Variants in LRP2 observed in about 807,000 individuals in gnomAD.
The protein encoded by LRP2 is LDL receptor related protein 2, also known as low-density lipoprotein receptor-related protein 2.
A neutral mutation model predicts 531.0 loss-of-function variants in LRP2; 172 were observed. That is an observed-to-expected ratio of 0.32 (90% CI 0.29 to 0.37). The LOEUF is 0.37. LRP2 is among the 10% of genes least tolerant of loss of function. The pLI is 1.00. For missense variants in LRP2, 5,167 were observed against 5,868.3 expected (o/e 0.88, Z 3.90); for synonymous variants, 1,992 against 2,027.6 (o/e 0.98, Z 0.47).
intron 24 of LRP2, among the ~76,000 whole-genome samples, chr2:169,241,895 T>C (rs1449636895): frequency 6.6e-6 from 1 of 152,190 alleles, no homozygotes; most frequent in African/African-American, 2.4e-5. Context: ...CCACTATTCA[T>C]CAAGCAATCC....
intron 16 of LRP2, among the ~76,000 whole-genome samples, chr2:169,268,285 C>G (rs1023045737): frequency 6.6e-6 from 1 of 152,118 alleles, no homozygotes; most frequent in Non-Finnish European, 1.5e-5. Flanking sequence ...GATACCAAAG[C>G]CTGGCAGAGA....
intron 61 of LRP2, among the ~76,000 whole-genome samples, chr2:169,168,265 T>C (rs1686862139): frequency 6.6e-6 from 1 of 151,640 alleles, no homozygotes; most frequent in Admixed American, 6.6e-5. Flanking sequence ...GACCTGCCTT[T>C]ATTTATGCAT....
At position 169,282,877 on chromosome 2, in the gene LRP2, A is replaced by G; in HGVS notation, c.1167T>C (p.Asp389=). The G allele has an allele frequency of 6.2e-7, 1 of 1,613,924 alleles. No homozygotes were observed. Among genetic ancestry groups the G allele is most frequent in the South Asian group, 1.1e-5 (1 of 91,076 alleles). The change falls in exon 10 of 79, where the codon GAT becomes GAC. Residue 389 remains aspartate, a synonymous_variant. Coordinates refer to ENST00000649046, the MANE Select transcript of LRP2 (RefSeq NM_004525.3). ...LERGQYCKAN[D]SFGEASIIFS... is the part of the protein sequence containing the mutation. ...AGGTGTCCATAATTTACTCACAGGAATCATTAGCTTTGCAATACTGTCCAC... is the reference window on the plus strand; with the variant it reads ...AGGTGTCCATAATTTACTCACAGGAGTCATTAGCTTTGCAATACTGTCCAC...
intron 1 of LRP2, among the ~76,000 whole-genome samples, chr2:169,327,047 C>T (rs1259437092): frequency 6.6e-6 from 1 of 150,782 alleles, no homozygotes; most frequent in African/African-American, 2.4e-5. Flanking sequence ...AAGTGAGGAG[C>T]GTCTCCGCCC....
intron 19 of LRP2, among the ~76,000 whole-genome samples, chr2:169,255,358 T>C (rs1690261107): frequency 6.6e-6 from 1 of 152,176 alleles, no homozygotes; most frequent in South Asian, 2.1e-4. Flanking sequence ...GGTACCAGGC[T>C]ACATTCTTAT....
At chr2:169,305,812 A>G (rs1365367383) in intron 4 of LRP2, among the ~76,000 whole-genome samples, 2 of 152,158 alleles carry the variant, frequency 1.3e-5, no homozygotes, top group African/African-American at 2.4e-5. Flanking sequence ...TTTTTGCTGT[A>G]CCTTTTCTAT....
At chr2:169,311,810 T>G (rs1684605989) in intron 3 of LRP2, among the ~76,000 whole-genome samples, 2 of 152,178 alleles carry the variant, frequency 1.3e-5, no homozygotes, top group Admixed American at 6.5e-5. Flanking sequence ...TGTTAAAGTC[T>G]CCCATTATTA....
intron 1 of LRP2, among the ~76,000 whole-genome samples, chr2:169,347,767 C>T (rs1330621386): frequency 9.2e-5 from 14 of 152,264 alleles, no homozygotes; most frequent in Admixed American, 8.5e-4. Flanking sequence ...TCTGTCTATA[C>T]TCTGCAGTAC....
chr2:169,318,959 A>T (rs1684840400), intron 2 of LRP2, 75 bp from the exon 3 acceptor site: 1 of 1,571,570 alleles, frequency 6.4e-7, no homozygotes, highest in Non-Finnish European at 8.7e-7. Context: ...CTTGTTCCAG[A>T]AGAGTGTATC....
intron 31 of LRP2, among the ~76,000 whole-genome samples, chr2:169,230,163 C>T (rs1044747958): frequency 1.3e-5 from 2 of 152,154 alleles, no homozygotes; most frequent in African/African-American, 4.8e-5. Flanking sequence ...TTGATTACAC[C>T]AACCCCCAAT....
chr2:169,196,783 G>T, intron 46 of LRP2, 128 bp downstream of exon 46: 2 of 1,312,114 alleles, frequency 1.5e-6, no homozygotes, highest in South Asian at 1.2e-5. Context: ...CAGCATTCCA[G>T]ATGAAAGCTG....
chr2:169,280,525 T>C lies in LRP2; in HGVS notation c.1172-6A>G. 7 of 1,613,894 alleles carry C rather than the reference T, an allele frequency of 4.3e-6. No homozygotes were observed. Among genetic ancestry groups the C allele is most frequent in the East Asian group, 2.2e-5 (1 of 44,852 alleles). ...GATAATGGAGGCCTCGCCAACTAAA[T>C]GCGAAGAAGGAAGGCATCACCACTC... On this transcript the variant is annotated splice_polypyrimidine_tract_variant and splice_region_variant and intron_variant, in intron 10 of 78. Transcript: ENST00000649046.
intron 41 of LRP2, among the ~76,000 whole-genome samples, chr2:169,204,724 G>C (rs888904044): frequency 1.3e-5 from 2 of 152,096 alleles, no homozygotes; most frequent in African/African-American, 2.4e-5. Context: ...TTTCAAATAG[G>C]AGAATAAAGA....
chr2:169,281,709 C>T (rs1331611719), intron 10 of LRP2, among the ~76,000 whole-genome samples: 1 of 151,764 alleles, frequency 6.6e-6, no homozygotes, highest in South Asian at 2.1e-4. Context: ...CAGAGCGAGA[C>T]TCATTCTCAA....
chr2:169,359,282 G>C (rs1211584616), intron 1 of LRP2, among the ~76,000 whole-genome samples: 1 of 152,162 alleles, frequency 6.6e-6, no homozygotes, highest in South Asian at 2.1e-4. Flanking sequence ...CAGCTAGAAA[G>C]TGGTAAAGCC....
At chr2:169,197,486 T>A (rs1244753558) in intron 45 of LRP2, among the ~76,000 whole-genome samples, 2 of 152,232 alleles carry the variant, frequency 1.3e-5, no homozygotes, top group African/African-American at 4.8e-5. Context: ...GTTGGCAAAG[T>A]TATCTTCGTA....
Position 169,181,600 on chromosome 2 carries a change from G to A in LRP2, c.10017C>T (p.Asp3339=), listed in dbSNP as rs1361756562. ...TCCCAATGTATGCGCGGTGACCCCAGTCTGCCCAGTAGAGGTACCTGTCAG... is the reference window on the plus strand; with the variant it reads ...TCCCAATGTATGCGCGGTGACCCCAATCTGCCCAGTAGAGGTACCTGTCAG... ...HPQYGYLYWA[D]WGHRAYIGRV... is the part of the protein sequence containing the mutation. Residue 3339 remains aspartate (D), a synonymous_variant, in exon 52 of 79, where the codon GAC becomes GAT. Coordinates refer to ENST00000649046, the MANE Select transcript of LRP2 (RefSeq NM_004525.3). 1 of 1,614,090 alleles carries A rather than the reference G, an allele frequency of 6.2e-7. No individual in the cohort carries two copies. Among genetic ancestry groups the A allele is most frequent in the South Asian group, 1.1e-5 (1 of 91,082 alleles).
At chr2:169,234,963 G>A (rs1287776975) in intron 29 of LRP2, among the ~76,000 whole-genome samples, 1 of 150,740 alleles carries the variant, frequency 6.6e-6, no homozygotes, top group East Asian at 2.0e-4. Flanking sequence ...AGGCTGGAGT[G>A]CAGTGGCACA....
intron 33 of LRP2, 95 bp from the exon 34 acceptor site, chr2:169,220,658 A>C (rs1688959813): frequency 1.3e-6 from 1 of 772,834 alleles, no homozygotes; most frequent in Admixed American, 2.1e-5. Context: ...CAAATTCCAA[A>C]GCACGATTAG....
Sources: allele counts gnomAD v4.1 joint callset (sites outside exome capture counted in the v4.1 genomes callset), GRCh38; gene constraint gnomAD v4.1.1; transcripts MANE v1.5; gene names NCBI Gene and HGNC (gene_info 2026-07-23, HGNC 2026-07-21).